STRBP: variants seen among roughly 807,000 people sequenced by gnomAD.
The protein encoded by STRBP is spermatid perinuclear RNA-binding protein.
Under a neutral mutation model 80.1 loss-of-function variants are expected in STRBP, and 13 were observed. The ratio of observed to expected loss-of-function variants is 0.16; its 90% CI spans 0.11 to 0.26. STRBP has a LOEUF of 0.26. STRBP is among the 10% of genes least tolerant of loss of function. The pLI is 1.00. For missense variants in STRBP, 485 were observed against 815.2 expected (o/e 0.59, Z 4.93); for synonymous variants, 284 against 291.2 (o/e 0.98, Z 0.25).
intron 2 of STRBP, among the ~76,000 whole-genome samples, chr9:123,198,619 TTTTG>T (rs142091017): frequency 0.17 from 25,485 of 152,082 alleles, 2,622 homozygotes; most frequent in South Asian, 0.26. Context: ...ATTTATTTAT[TTTTG>T]TTTTTGTTGC....
downstream of STRBP, among the ~76,000 whole-genome samples, chr9:123,118,996 AAAAG>A (rs1240228956): frequency 6.6e-6 from 1 of 152,216 alleles, no homozygotes; most frequent in Non-Finnish European, 1.5e-5. Flanking sequence ...TGGATAGACA[AAAAG>A]AAAGACGAAT....
At position 123,123,164 on chromosome 9, in the gene STRBP, T is replaced by A. The variant is rs1187574870; in HGVS notation, c.*2433A>T. 5 of 985,196 alleles carry A rather than the reference T, an allele frequency of 5.1e-6. No homozygotes were observed. The African/African-American group carries it at 8.7e-5, about 17-fold the overall frequency. The allele number at this position is 985,196 out of a possible 1,614,324, so 61.0% of individuals were successfully genotyped here. On this transcript the variant is annotated 3_prime_UTR_variant, in exon 19 of 19. Transcript: ENST00000348403. ...CTTGAGGGCCCAAGTGAATAATAAATGGTGCGACGCTCAGAGGCTGGCAAT... is the reference window on the plus strand; with the variant it reads ...CTTGAGGGCCCAAGTGAATAATAAAAGGTGCGACGCTCAGAGGCTGGCAAT...
intron 1 of STRBP, among the ~76,000 whole-genome samples, chr9:123,258,618 A>G (rs1564341070): frequency 6.6e-6 from 1 of 152,128 alleles, no homozygotes; most frequent in Non-Finnish European, 1.5e-5. Flanking sequence ...CCTGGCTAAC[A>G]CAGTGAAACC....
chr9:123,247,044 A>G (rs959544826), intron 1 of STRBP, among the ~76,000 whole-genome samples: 1 of 152,182 alleles, frequency 6.6e-6, no homozygotes, highest in Admixed American at 6.5e-5. Flanking sequence ...TAATTAAATA[A>G]CAACAATAAT....
chr9:123,193,238 A>G (rs980393212), intron 2 of STRBP, among the ~76,000 whole-genome samples: 5 of 152,186 alleles, frequency 3.3e-5, no homozygotes. Flanking sequence ...CACCTAGTAC[A>G]TCGCCCTGCA....
downstream of STRBP, among the ~76,000 whole-genome samples, chr9:123,118,095 G>T (rs755010285): frequency 3.3e-5 from 5 of 152,196 alleles, no homozygotes; most frequent in Non-Finnish European, 7.4e-5. Context: ...GGATGGAATA[G>T]AAAAAGGCTT....
chr9:123,231,945 A>G (rs1387442341), intron 2 of STRBP, among the ~76,000 whole-genome samples: 1 of 152,116 alleles, frequency 6.6e-6, no homozygotes, highest in East Asian at 1.9e-4. Context: ...GCCATTTCCT[A>G]TCTTTCTCCT....
intron 1 of STRBP, among the ~76,000 whole-genome samples, chr9:123,258,769 C>T (rs958572689): frequency 2.0e-5 from 3 of 149,152 alleles, no homozygotes; most frequent in African/African-American, 4.9e-5. Flanking sequence ...CCACTGCACT[C>T]CAGCCTGGGT....
chr9:123,260,303 G>A (rs1321565276), intron 1 of STRBP, among the ~76,000 whole-genome samples: 2 of 152,162 alleles, frequency 1.3e-5, no homozygotes, highest in Non-Finnish European at 2.9e-5. Context: ...CCAGAGTACT[G>A]TTACTCTTTG....
intron 3 of STRBP, 39 bp downstream of exon 3, chr9:123,184,093 T>C (rs758515779): frequency 3.0e-5 from 48 of 1,583,818 alleles, no homozygotes; most frequent in Non-Finnish European, 6.9e-6. Context: ...TACTGGAGTC[T>C]TTTGTAACTA....
At position 123,178,729 on chromosome 9, in the gene STRBP, A is replaced by G. The variant is rs540787423; in HGVS notation, c.224+278T>C. On this transcript the variant is annotated intron_variant, in intron 4 of 18. Coordinates refer to ENST00000348403, the MANE Select transcript of STRBP (RefSeq NM_018387.5). ...TGAATCAACACAGGAAAAAGATCAT[A>G]ACTTTGAAACATAATGATTTTAAAG... is the stretch of plus-strand genomic sequence containing the variant. 3.3e-5 allele frequency among the ~76,000 whole-genome samples: 5 copies of G among 152,312 alleles called. No homozygotes were observed. The South Asian group carries it at 1.0e-3, about 32-fold the overall frequency.
chr9:123,149,090 C>T (rs982990801), intron 11 of STRBP, among the ~76,000 whole-genome samples: 1 of 152,224 alleles, frequency 6.6e-6, no homozygotes, highest in South Asian at 2.1e-4. Flanking sequence ...AGTTGTTTTT[C>T]CTAAGGAAAA....
At chr9:123,114,650 G>A (rs2035616444) in intron 3 of STRBP, 1 of 168,460 alleles carries the variant, frequency 5.9e-6, no homozygotes, top group South Asian at 2.0e-4. Flanking sequence ...TAGCCCGGTG[G>A]AGATGGCCCT....
At chr9:123,245,209 T>A (rs1299234575) in intron 1 of STRBP, among the ~76,000 whole-genome samples, 1 of 152,194 alleles carries the variant, frequency 6.6e-6, no homozygotes, top group Admixed American at 6.5e-5. Flanking sequence ...AGATATATTC[T>A]CTAAAACCAA....
At chr9:123,171,453 A>G (rs1377298687) in intron 5 of STRBP, among the ~76,000 whole-genome samples, 1 of 152,204 alleles carries the variant, frequency 6.6e-6, no homozygotes, top group Admixed American at 6.5e-5. Context: ...CTGGTTTTCC[A>G]CACAAACACC....
intron 3 of STRBP, among the ~76,000 whole-genome samples, chr9:123,183,366 G>C (rs1217391324): frequency 2.0e-5 from 3 of 151,974 alleles, no homozygotes; most frequent in Non-Finnish European, 4.4e-5. Flanking sequence ...GAACCTGGGA[G>C]ACGGAGGTTG....
intron 18 of STRBP, among the ~76,000 whole-genome samples, chr9:123,125,976 A>T (rs1039908854): frequency 6.6e-6 from 1 of 152,238 alleles, no homozygotes. Context: ...ATCATGTTCT[A>T]ATCGACTGTA....
At chr9:123,133,096 T>C in intron 16 of STRBP, 128 bp from the exon 17 acceptor site, 15 of 1,107,796 alleles carry the variant, frequency 1.4e-5, no homozygotes, top group Non-Finnish European at 1.9e-5. Flanking sequence ...CTGTCTGTGA[T>C]CTTGAACCTT....
Position 123,111,438 on chromosome 9 carries a change from G to A in STRBP, c.*85-1685C>T, listed in dbSNP as rs77561304. On this transcript the variant is annotated intron_variant and NMD_transcript_variant, in intron 3 of 3. Transcript: ENST00000471564. ...AAGGAAAAGAAAAAGAGTCTGACTC[G>A]CAAAAGCGGCAGAAATATTTAGGTT... is the stretch of plus-strand genomic sequence containing the variant. 2,237 of 296,464 alleles carry A rather than the reference G, an allele frequency of 7.5e-3. 105 individuals are homozygous for A. In the Admixed American group the frequency reaches 0.089, roughly 12 times the overall value. The allele number at this position is 296,464 out of a possible 1,614,324, so 18.4% of individuals were successfully genotyped here.
Sources: allele counts gnomAD v4.1 joint callset (sites outside exome capture counted in the v4.1 genomes callset), GRCh38; gene constraint gnomAD v4.1.1; transcripts MANE v1.5; gene names NCBI Gene and HGNC (gene_info 2026-07-23, HGNC 2026-07-21).